CTCF: variants seen among roughly 807,000 people sequenced by gnomAD.
CTCF encodes the protein CCCTC-binding factor.
Under a neutral mutation model 72.3 loss-of-function variants are expected in CTCF, and 7 were observed. The observed-to-expected ratio is 0.10, with a 90% CI of 0.06 to 0.18. The LOEUF is 0.18. Among genes scored for constraint, CTCF ranks in the 10% least tolerant of loss-of-function variants. CTCF has a pLI of 1.00. For synonymous variants in CTCF, 374 were observed against 315.8 expected (o/e 1.18, Z -1.95); for missense variants, 516 against 949.1 (o/e 0.54, Z 6.00).
intron 8 of CTCF, chr16:67,627,539 C>G (rs1433965156): frequency 6.6e-6 from 1 of 151,898 alleles, no homozygotes; most frequent in East Asian, 1.9e-4. Flanking sequence ...TGACTCACAC[C>G]TGTAATCCCA....
chr16:67,608,735 GTTT>G (rs112295395), intron 2 of CTCF, among the ~76,000 whole-genome samples: 6 of 146,854 alleles, frequency 4.1e-5, no homozygotes, highest in African/African-American at 1.5e-4. Context: ...TGTATTTAGT[GTTT>G]TTTTTTTTCT....
At chr16:67,584,334 C>CGTCTTTTTTTTTTTTT (rs1567596519) in intron 2 of CTCF, among the ~76,000 whole-genome samples, 1 of 121,926 alleles carries the variant, frequency 8.2e-6, no homozygotes, top group African/African-American at 3.7e-5. Flanking sequence ...AAAAAAAAGT[C>CGTCTTTTTTTTTTTTT]TTCTTTTTTT....
At chr16:67,597,036 T>C (rs2051824264) in intron 2 of CTCF, among the ~76,000 whole-genome samples, 1 of 152,132 alleles carries the variant, frequency 6.6e-6, no homozygotes, top group Non-Finnish European at 1.5e-5. Flanking sequence ...TGTTTTTGTT[T>C]GTTTTGTTTC....
At chr16:67,568,002 C>G (rs6499132) in intron 1 of CTCF, 15,469 of 150,038 alleles carry the variant, frequency 0.1, 981 homozygotes, top group African/African-American at 0.17. Context: ...CTGCCCCAAG[C>G]GATCCTCCCA....
At chr16:67,562,881 T>C (rs2051294009) in intron 1 of CTCF, among the ~76,000 whole-genome samples, 157 bp downstream of exon 1, 1 of 147,386 alleles carries the variant, frequency 6.8e-6, no homozygotes, top group Non-Finnish European at 1.5e-5. Context: ...CCGCCGCCAT[T>C]GCCCGTCGCC....
intron 1 of CTCF, among the ~76,000 whole-genome samples, chr16:67,564,211 C>T (rs2051314977): frequency 6.6e-6 from 1 of 152,176 alleles, no homozygotes; most frequent in East Asian, 1.9e-4. Context: ...AAAAGCATCC[C>T]GTTGAATTGC....
chr16:67,631,081 G>A (rs1211020178), intron 10 of CTCF, among the ~76,000 whole-genome samples: 1 of 151,990 alleles, frequency 6.6e-6, no homozygotes, highest in Non-Finnish European at 1.5e-5. Context: ...AGTGGGGAGG[G>A]GTTGAGATTT....
intron 2 of CTCF, among the ~76,000 whole-genome samples, chr16:67,589,869 C>T (rs1218469164): frequency 6.6e-6 from 1 of 152,076 alleles, no homozygotes; most frequent in Admixed American, 6.6e-5. Flanking sequence ...GCTGGATCAC[C>T]TAAGGTCAGG....
intron 2 of CTCF, among the ~76,000 whole-genome samples, chr16:67,590,028 A>T (rs1380665649): frequency 6.6e-6 from 1 of 152,178 alleles, no homozygotes; most frequent in Admixed American, 6.6e-5. Flanking sequence ...CGGCCGTTGC[A>T]GTGAGCCAAG....
intron 2 of CTCF, among the ~76,000 whole-genome samples, chr16:67,574,747 A>C (rs1410216344): frequency 7.4e-6 from 1 of 135,752 alleles, no homozygotes; most frequent in Non-Finnish European, 1.5e-5. Context: ...CAAGCTCCGC[A>C]TCCCAGGTTC....
At chr16:67,622,966 C>G (rs760247300) in intron 7 of CTCF, among the ~76,000 whole-genome samples, 5 of 148,844 alleles carry the variant, frequency 3.4e-5, no homozygotes, top group Non-Finnish European at 6.0e-5. Context: ...CCAGCCCTCA[C>G]TTGCTTTTTT....
chr16:67,631,947 C>T (rs902105886), intron 10 of CTCF, among the ~76,000 whole-genome samples: 1 of 151,516 alleles, frequency 6.6e-6, no homozygotes, highest in South Asian at 2.1e-4. Flanking sequence ...TTGTGGCCTG[C>T]GCCTGCGGTC....
At chr16:67,631,176 T>TG (rs2052360065) in intron 10 of CTCF, among the ~76,000 whole-genome samples, 2 of 148,536 alleles carry the variant, frequency 1.3e-5, no homozygotes, top group African/African-American at 5.1e-5. Flanking sequence ...TTTTTTGTTT[T>TG]TTTTTTGAGA....
rs2052436370 is a variant in CTCF, at chr16:67,636,763, G to A, written c.1911G>A (p.Glu637=). 6.2e-7 allele frequency: 1 copy of A among 1,607,962 alleles called. No homozygotes were observed. The highest frequency in any genetic ancestry group is 8.5e-7 in the Non-Finnish European group (1 of 1,177,258). Residue 637 remains glutamate (E), a synonymous_variant, in exon 11 of 12, where the codon GAG becomes GAA. Coordinates refer to ENST00000264010, the MANE Select transcript of CTCF (RefSeq NM_006565.4). ...EPAVEIEPEP[E]PQPVTPAPPP... is the part of the protein sequence containing the mutation. ...CCGTAGAAATTGAACCTGAGCCAGAGCCTCAGCCTGTGACCCCAGCCCCAC... is the reference window on the plus strand; with the variant it reads ...CCGTAGAAATTGAACCTGAGCCAGAACCTCAGCCTGTGACCCCAGCCCCAC...
intron 1 of CTCF, among the ~76,000 whole-genome samples, chr16:67,566,117 AG>A (rs1280447933): frequency 4.6e-5 from 7 of 152,218 alleles, no homozygotes; most frequent in African/African-American, 1.7e-4. Flanking sequence ...GCCAAAAATT[AG>A]GCCCCTCTTC....
chr16:67,585,063 T>C (rs2142751576), intron 2 of CTCF, among the ~76,000 whole-genome samples: 2 of 152,308 alleles, frequency 1.3e-5, no homozygotes, highest in East Asian at 3.9e-4. Context: ...TTTTATTTTT[T>C]AGACAGAGTT....
chr16:67,597,719 CTG>C (rs2051833460), intron 2 of CTCF, among the ~76,000 whole-genome samples: 1 of 152,182 alleles, frequency 6.6e-6, no homozygotes, highest in Non-Finnish European at 1.5e-5. Context: ...ACATAGTTAA[CTG>C]TTTTTCTGGT....
chr16:67,611,700 A>T, intron 3 of CTCF, 87 bp downstream of exon 3: 3 of 1,315,216 alleles, frequency 2.3e-6, no homozygotes, highest in Non-Finnish European at 3.1e-6. Flanking sequence ...TTTTATATTA[A>T]CCGTATTTGT....
At chr16:67,627,924 A>G (rs978316841) in intron 8 of CTCF, 4 of 141,700 alleles carry the variant, frequency 2.8e-5, no homozygotes, top group Admixed American at 2.1e-4. Flanking sequence ...CTCCATCTCA[A>G]AAAAAAAAAA....
Sources: gnomAD v4.1 joint callset for allele counts (sites outside exome capture counted in the v4.1 genomes callset) on GRCh38, gnomAD v4.1.1 for gene constraint, MANE v1.5 for transcripts, NCBI Gene and HGNC (gene_info 2026-07-23, HGNC 2026-07-21) for gene names.